DNAH8: variants seen among roughly 807,000 people sequenced by gnomAD.
The protein encoded by DNAH8 is axonemal beta dynein heavy chain 8.
Under a neutral mutation model 562.1 loss-of-function variants are expected in DNAH8, and 382 were observed. That is an observed-to-expected ratio of 0.68 (90% CI 0.63 to 0.74). The LOEUF (loss-of-function observed/expected upper bound fraction) is 0.74, where lower values mean the gene tolerates loss of function less well. Among genes scored for constraint, DNAH8 ranks in the 30% least tolerant of loss-of-function variants. DNAH8 has a pLI of 0.00. For missense variants in DNAH8, 5,203 were observed against 5,620.4 expected (o/e 0.93, Z 2.37); for synonymous variants, 1,881 against 1,919.4 (o/e 0.98, Z 0.52).
At position 38,890,652 on chromosome 6, in the gene DNAH8, G is replaced by C. The variant is rs374402777; in HGVS notation, c.8474G>C (p.Gly2825Ala). ...PSNASIDKIF[G>A]IIGCGYFDPC... ...ACCTTCAATCTTGCTTATCTTTCAGGAATTATTGGATGTGGATACTTTGAT... is the reference window on the plus strand; with the variant it reads ...ACCTTCAATCTTGCTTATCTTTCAGCAATTATTGGATGTGGATACTTTGAT... Residue 2825 changes from glycine (G) to alanine (A), a missense_variant and splice_region_variant, in exon 58 of 93, where the codon GGA becomes GCA. Physicochemically the swap from Gly to Ala is moderately conservative, Grantham distance 60 (BLOSUM62 0). Transcript: ENST00000327475. The C allele has an allele frequency of 6.2e-7, 1 of 1,601,220 alleles. No individual in the cohort carries two copies. Among genetic ancestry groups the C allele is most frequent in the African/African-American group, 1.3e-5 (1 of 74,588 alleles).
chr6:38,907,245 G>A lies in DNAH8; in HGVS notation c.9349-711G>A, dbSNP rs62398572. Among the ~76,000 whole-genome samples the A allele has an allele frequency of 1.9e-4, 29 of 152,288 alleles. 1 individual carries two copies. Among genetic ancestry groups the A allele is most frequent in the Admixed American group, 4.6e-4 (7 of 15,306 alleles). Reference sequence around the variant, plus strand: ...CTTTTGCCAAGGGGCCATGCAGAACGTCCTCTCCATCCAGTATGAAGGGCA... The same window carrying A: ...CTTTTGCCAAGGGGCCATGCAGAACATCCTCTCCATCCAGTATGAAGGGCA... On this transcript the variant is annotated intron_variant, in intron 63 of 92. Transcript: ENST00000327475.
rs112355957 is a variant in DNAH8 at position 38,915,098 on chromosome 6, C to T, written c.9964-103C>T. On this transcript the variant is annotated intron_variant, in intron 67 of 92. Coordinates refer to ENST00000327475, the MANE Select transcript of DNAH8 (RefSeq NM_001206927.2). Reference sequence around the variant, plus strand: ...CTTAGGAAATAAGTTTGTTCTTATTCGTGTTTTATATTATGTTGAATAAAT... The same window carrying T: ...CTTAGGAAATAAGTTTGTTCTTATTTGTGTTTTATATTATGTTGAATAAAT... 790 of 996,298 alleles carry T rather than the reference C, an allele frequency of 7.9e-4. 3 individuals are homozygous for T. In the African/African-American group the frequency reaches 0.01, roughly 13 times the overall value. The allele number at this position is 996,298 out of a possible 1,614,324, so 61.7% of individuals were successfully genotyped here. A position where few individuals can be genotyped will look rare whatever the true frequency, so the allele number is the denominator to read the frequency against.
At chr6:39,028,943 G>C (rs1461166320) in intron 92 of DNAH8, among the ~76,000 whole-genome samples, 2 of 152,220 alleles carry the variant, frequency 1.3e-5, no homozygotes, top group Non-Finnish European at 2.9e-5. Flanking sequence ...GAATCTTACT[G>C]TCTTTCGTTC....
chr6:39,010,818 C>CGTATGT lies in DNAH8; in HGVS notation c.13372-1397_13372-1396insGTATGT, dbSNP rs70984104. ...ACGTGTACGCACACACACACACACA[C>CGTATGT]ACGTATGTATGTATGTATGTATGTA... On this transcript the variant is annotated intron_variant, in intron 89 of 92. Transcript: ENST00000327475. Among the ~76,000 whole-genome samples the CGTATGT allele has an allele frequency of 5.8e-3, 621 of 107,518 alleles. 2 individuals carry two copies. The highest frequency in any genetic ancestry group is 0.015 in the East Asian group (54 of 3,648). 70.5% of individuals were successfully genotyped at this position (107,518 alleles called of 152,430 possible). A position where few individuals can be genotyped will look rare whatever the true frequency, so the allele number is the denominator to read the frequency against.
At chr6:38,780,506 CA>C (rs35611838) in intron 15 of DNAH8, among the ~76,000 whole-genome samples, 8 of 147,174 alleles carry the variant, frequency 5.4e-5, no homozygotes, top group East Asian at 3.9e-4. Context: ...GTTATGCATC[CA>C]AAAAAAAAAT....
chr6:38,726,593 A>G (rs185249431), intron 3 of DNAH8, among the ~76,000 whole-genome samples: 92 of 152,312 alleles, frequency 6.0e-4, no homozygotes, highest in African/African-American at 2.2e-3. Context: ...CAAGCTGCAA[A>G]AGGTATTTCC....
At position 38,973,747 on chromosome 6, in the gene DNAH8, T is replaced by C. The variant is rs1763492516; in HGVS notation, c.12612T>C (p.Ser4204=). The part of the protein sequence containing the change: ...LLETLITTEA[S]DDSFRVWITT... Reference sequence around the variant, plus strand: ...AGACGCTAATTACCACTGAAGCCAGTGATGATTCTTTCCGAGTATGGATAA... The same window carrying C: ...AGACGCTAATTACCACTGAAGCCAGCGATGATTCTTTCCGAGTATGGATAA... Residue 4204 remains serine (S), a synonymous_variant, in exon 84 of 93, where the codon AGT becomes AGC. Coordinates refer to ENST00000327475, the MANE Select transcript of DNAH8 (RefSeq NM_001206927.2). 9.3e-6 allele frequency: 15 copies of C among 1,611,528 alleles called. No individual in the cohort carries two copies. Among genetic ancestry groups the C allele is most frequent in the Non-Finnish European group, 1.3e-5 (15 of 1,178,986 alleles).
In DNAH8 at chr6:38,775,792, C is replaced by T; in HGVS notation, c.1803C>T (p.Thr601=). 1.3e-6 allele frequency: 2 copies of T among 1,596,110 alleles called. No homozygotes were observed. The highest frequency in any genetic ancestry group is 2.2e-5 in the South Asian group (2 of 90,556). ...TAACTGTTGTGCAAACATATTCAAC[C>T]TTGAGTAATTCTACCATAGAAGGAA... ...EMITVVQTYS[T]LSNSTIEGID... Residue 601 remains threonine, a synonymous_variant, in exon 13 of 93, where the codon ACC becomes ACT. Coordinates refer to ENST00000327475, the MANE Select transcript of DNAH8 (RefSeq NM_001206927.2).
In DNAH8 at chr6:38,930,950, T is replaced by C. The variant is rs113546689; in HGVS notation, c.11275-861T>C. On this transcript the variant is annotated intron_variant, in intron 75 of 92. Transcript: ENST00000327475. ...CTTGCTGGCAACCACTGTTCTATTC[T>C]CTGCTTCTATGAGTTTGACTTTTTT... is the stretch of plus-strand genomic sequence containing the variant. 5.5e-3 allele frequency among the ~76,000 whole-genome samples: 832 copies of C among 152,260 alleles called. 15 individuals carry two copies. The highest frequency in any genetic ancestry group is 0.019 in the African/African-American group (789 of 41,580).
chr6:38,999,934 A>AATACAC, intron 88 of DNAH8, among the ~76,000 whole-genome samples: 1 of 146,778 alleles, frequency 6.8e-6, no homozygotes, highest in South Asian at 2.2e-4. Flanking sequence ...CACACACACA[A>AATACAC]ACACACACAC....
At chr6:38,879,900 C>T (rs1233879817) in intron 53 of DNAH8, among the ~76,000 whole-genome samples, 1 of 152,134 alleles carries the variant, frequency 6.6e-6, no homozygotes, top group Non-Finnish European at 1.5e-5. Flanking sequence ...TATATGCTCA[C>T]AACAAACAGT....
chr6:38,841,645 T>C lies in DNAH8; in HGVS notation c.4467-723T>C, dbSNP rs1277520651. Among the ~76,000 whole-genome samples, 9 of 152,324 alleles carry C rather than the reference T, an allele frequency of 5.9e-5. No homozygotes were observed. The South Asian group carries it at 1.7e-3, about 28-fold the overall frequency. On this transcript the variant is annotated intron_variant, in intron 33 of 92. Coordinates refer to ENST00000327475, the MANE Select transcript of DNAH8 (RefSeq NM_001206927.2). ...TCTGTTGAGTGGTCAATTTGGTGTT[T>C]TACACATTTAAGAATTTTCCTTTAC...
At chr6:38,894,121 T>C (rs945040541) in intron 58 of DNAH8, among the ~76,000 whole-genome samples, 1 of 152,178 alleles carries the variant, frequency 6.6e-6, no homozygotes, top group Non-Finnish European at 1.5e-5. Flanking sequence ...TGTCCACTTA[T>C]TATGGATATA....
chr6:38,860,653 T>C, intron 43 of DNAH8, 24 bp downstream of exon 43: 1 of 1,475,976 alleles, frequency 6.8e-7, no homozygotes, highest in Non-Finnish European at 9.0e-7. Flanking sequence ...TTTTCGTTTT[T>C]TATTTTGTAA....
At position 38,803,299 on chromosome 6, in the gene DNAH8, G is replaced by T; in HGVS notation, c.3022G>T (p.Gly1008Ter). The T allele has an allele frequency of 6.3e-7, 1 of 1,599,102 alleles. No homozygotes were observed. The highest frequency in any genetic ancestry group is 1.3e-5 in the African/African-American group (1 of 74,412). ...TGAAGTGAAATACACTGGGAAAGTA[G>T]GAAAACAGTCAGGTAACTTTTCTCG... ...IYEVKYTGKV[G>*]KQSEQRKHVV... The change falls in exon 22 of 93, where the codon GGA becomes TGA. Residue 1008 changes from glycine to a stop codon, truncating the protein, a stop_gained. Coordinates refer to ENST00000327475, the MANE Select transcript of DNAH8 (RefSeq NM_001206927.2). LOFTEE classifies it high-confidence loss of function.
chr6:38,737,314 ATTTCAT>A, intron 6 of DNAH8, 58 bp downstream of exon 6: 1 of 1,080,456 alleles, frequency 9.3e-7, no homozygotes, highest in Non-Finnish European at 1.2e-6. Flanking sequence ...TAACTAAGAT[ATTTCAT>A]AAACAGAGAA....
At chr6:38,717,361 T>A (rs1195361499) in intron 1 of DNAH8, among the ~76,000 whole-genome samples, 1 of 152,148 alleles carries the variant, frequency 6.6e-6, no homozygotes, top group Non-Finnish European at 1.5e-5. Context: ...TCTCACTCTG[T>A]CACCCAGACT....
chr6:38,954,075 G>A (rs946062067), intron 82 of DNAH8, among the ~76,000 whole-genome samples: 13 of 152,152 alleles, frequency 8.5e-5, no homozygotes, highest in Non-Finnish European at 1.5e-5. Context: ...AAGAGGAGAA[G>A]GGAAACTTTG....
At chr6:38,900,486 A>G (rs1191337179) in intron 62 of DNAH8, among the ~76,000 whole-genome samples, 1 of 152,148 alleles carries the variant, frequency 6.6e-6, no homozygotes, top group African/African-American at 2.4e-5. Flanking sequence ...GGTTATCTGT[A>G]TATTTAGCTT....
Sources: allele counts gnomAD v4.1 joint callset (sites outside exome capture counted in the v4.1 genomes callset), GRCh38; gene constraint gnomAD v4.1.1; transcripts MANE v1.5; gene names NCBI Gene and HGNC (gene_info 2026-07-23, HGNC 2026-07-21).